The following PRKAG2 variants were observed in gnomAD, a reference collection of about 807,000 sequenced individuals.
The protein encoded by PRKAG2 is protein kinase AMP-activated non-catalytic subunit gamma 2, also known as 5'-AMP-activated protein kinase subunit gamma-2.
A neutral mutation model predicts 69.6 loss-of-function variants in PRKAG2; 26 were observed. That is an observed-to-expected ratio of 0.37 (90% CI 0.27 to 0.52). PRKAG2 has a LOEUF of 0.52. Among genes scored for constraint, PRKAG2 ranks in the 20% least tolerant of loss-of-function variants. The pLI is 0.90. For synonymous variants in PRKAG2, 293 were observed against 285.0 expected (o/e 1.03, Z -0.28); for missense variants, 557 against 740.0 (o/e 0.75, Z 2.87).
At chr7:151,705,036 A>C (rs556225146) in intron 3 of PRKAG2, among the ~76,000 whole-genome samples, 204 of 152,342 alleles carry the variant, frequency 1.3e-3, no homozygotes, top group African/African-American at 4.7e-3. Flanking sequence ...CTTCTATAGG[A>C]GACACCACTG....
At chr7:151,596,943 T>A (rs1814691341) in intron 5 of PRKAG2, among the ~76,000 whole-genome samples, 1 of 151,998 alleles carries the variant, frequency 6.6e-6, no homozygotes, top group Non-Finnish European at 1.5e-5. Context: ...AACATTTGTA[T>A]AGAACCACAA....
intron 3 of PRKAG2, among the ~76,000 whole-genome samples, chr7:151,680,977 TCTTTGGGTACAGAACGTTCATCTTTCA>T (rs1447452331): frequency 6.6e-6 from 1 of 152,254 alleles, no homozygotes; most frequent in Non-Finnish European, 1.5e-5. Flanking sequence ...CCTTGCTAGT[TCTTTGGGTACAGAACGTTCATCTTTCA>T]AGTAAACAGT....
chr7:151,778,640 G>A (rs1035207584), intron 3 of PRKAG2, among the ~76,000 whole-genome samples: 2 of 152,176 alleles, frequency 1.3e-5, no homozygotes, highest in Non-Finnish European at 2.9e-5. Context: ...GGCATTCCTG[G>A]TGGCTCAACT....
chr7:151,620,668 G>A (rs1821276770), intron 5 of PRKAG2, among the ~76,000 whole-genome samples: 1 of 151,988 alleles, frequency 6.6e-6, no homozygotes, highest in Non-Finnish European at 1.5e-5. Context: ...TTGTAGAGAT[G>A]GGAGTCTCGC....
At chr7:151,754,372 T>C (rs968831592) in intron 3 of PRKAG2, among the ~76,000 whole-genome samples, 2 of 152,244 alleles carry the variant, frequency 1.3e-5, no homozygotes, top group Non-Finnish European at 2.9e-5. Flanking sequence ...TTTTCCTTTC[T>C]TTGTGGGCAG....
At chr7:151,763,359 G>C (rs989522413) in intron 3 of PRKAG2, among the ~76,000 whole-genome samples, 4 of 152,226 alleles carry the variant, frequency 2.6e-5, no homozygotes, top group African/African-American at 9.7e-5. Flanking sequence ...TGATGTCTTG[G>C]GTGGGAAGTG....
chr7:151,796,640 C>A (rs1227667715), intron 1 of PRKAG2, among the ~76,000 whole-genome samples: 1 of 152,116 alleles, frequency 6.6e-6, no homozygotes, highest in Non-Finnish European at 1.5e-5. Flanking sequence ...AGTTGGAGCT[C>A]GGCAAGGACC....
At chr7:151,854,793 C>T (rs1406686041) in intron 1 of PRKAG2, among the ~76,000 whole-genome samples, 1 of 152,092 alleles carries the variant, frequency 6.6e-6, no homozygotes. Context: ...AGGGAGGCAG[C>T]GGGGGAGTCA....
chr7:151,758,218 G>A (rs941365810), intron 3 of PRKAG2, among the ~76,000 whole-genome samples: 1 of 152,110 alleles, frequency 6.6e-6, no homozygotes, highest in African/African-American at 2.4e-5. Flanking sequence ...CAGTTACTGG[G>A]TGTGCCCTGC....
At chr7:151,790,100 C>T (rs2077203987) in intron 1 of PRKAG2, among the ~76,000 whole-genome samples, 1 of 152,178 alleles carries the variant, frequency 6.6e-6, no homozygotes, top group Non-Finnish European at 1.5e-5. Flanking sequence ...GCTTCAGCCA[C>T]TCAGGGACAG....
At chr7:151,571,141 G>C (rs1040987082) in intron 9 of PRKAG2, among the ~76,000 whole-genome samples, 1 of 147,642 alleles carries the variant, frequency 6.8e-6, no homozygotes, top group Non-Finnish European at 1.5e-5. Flanking sequence ...GCATCATCTT[G>C]GCTCACTGCA....
At chr7:151,704,936 G>A (rs1175630807) in intron 3 of PRKAG2, among the ~76,000 whole-genome samples, 2 of 152,206 alleles carry the variant, frequency 1.3e-5, no homozygotes. Context: ...CAAAATGTTA[G>A]CGCTTAAAAG....
At chr7:151,560,362 A>C in intron 15 of PRKAG2, 162 bp downstream of exon 15, 1 of 1,536,472 alleles carries the variant, frequency 6.5e-7, no homozygotes, top group Non-Finnish European at 8.7e-7. Context: ...AGAACACTTA[A>C]ACTTCCCAAC....
chr7:151,683,865 C>A (rs1463740466), intron 3 of PRKAG2, among the ~76,000 whole-genome samples: 2 of 152,178 alleles, frequency 1.3e-5, no homozygotes, highest in African/African-American at 4.8e-5. Flanking sequence ...TCAGGCCAGG[C>A]AGGTGACCCA....
At position 151,850,019 on chromosome 7, in the gene PRKAG2, G is replaced by C. The variant is rs113066375; in HGVS notation, c.114+26488C>G. Among the ~76,000 whole-genome samples, 603 of 152,332 alleles carry C rather than the reference G, an allele frequency of 4.0e-3. 5 individuals carry two copies. Among genetic ancestry groups the C allele is most frequent in the African/African-American group, 0.014 (582 of 41,574 alleles). ...GCACGTTTGCCATTTTCCGGAGCGT[G>C]CTGTAGCTAGGCACAGAGAGGCTCT... On this transcript the variant is annotated intron_variant, in intron 1 of 15. Coordinates refer to ENST00000287878, the MANE Select transcript of PRKAG2 (RefSeq NM_016203.4). The surrounding 1 kb of genome is among the most constrained non-coding windows in gnomAD (Gnocchi z 4.1).
chr7:151,875,547 TCTAC>T, intron 1 of PRKAG2, among the ~76,000 whole-genome samples: 1 of 149,310 alleles, frequency 6.7e-6, no homozygotes, highest in Non-Finnish European at 1.5e-5. Context: ...AATAACTTTC[TCTAC>T]GGAGCACTCT....
chr7:151,557,864 C>G, intron 15 of PRKAG2: 1 of 948,176 alleles, frequency 1.1e-6, no homozygotes, highest in Non-Finnish European at 1.3e-6. Context: ...AAGAGTGAAA[C>G]TCCGTCTCAA....
At chr7:151,797,153 G>A (rs905902685) in intron 1 of PRKAG2, among the ~76,000 whole-genome samples, 19 of 151,908 alleles carry the variant, frequency 1.3e-4, no homozygotes, top group African/African-American at 2.2e-4. Context: ...AGATGGCCCC[G>A]GCCTGACCTC....
chr7:151,570,150 AG>A lies in PRKAG2; in HGVS notation c.1106+20del, dbSNP rs773576371. 6.3e-7 allele frequency: 1 copy of A among 1,589,556 alleles called. No individual in the cohort carries two copies. The highest frequency in any genetic ancestry group is 1.7e-5 in the Admixed American group (1 of 58,956). ...CATACATCTGAATGAATGTTTTCAA[AG>A]AAAAAAAAAACAAGTTTACCTTGCA... On this transcript the variant is annotated intron_variant, in intron 10 of 15. Transcript: ENST00000287878.
Sources: gnomAD v4.1 joint callset for allele counts (sites outside exome capture counted in the v4.1 genomes callset) on GRCh38, gnomAD v4.1.1 for gene constraint, Gnocchi (gnomAD v3.1) non-coding constraint, MANE v1.5 for transcripts, NCBI Gene and HGNC (gene_info 2026-07-23, HGNC 2026-07-21) for gene names.